The following PDE8B variants were observed in gnomAD, a reference collection of about 807,000 sequenced individuals.
PDE8B encodes the protein phosphodiesterase 8B.
PDE8B carries 26 observed loss-of-function variants against 101.3 expected under a neutral mutation model. That is an observed-to-expected ratio of 0.26 (90% CI 0.19 to 0.36). PDE8B has a LOEUF of 0.36. Among genes scored for constraint, PDE8B ranks in the 10% least tolerant of loss-of-function variants. The probability of loss-of-function intolerance (pLI) is 1.00; values close to 1 mark genes in which losing one functional copy is unlikely to be tolerated. For missense variants in PDE8B, 810 were observed against 1,163.1 expected, an observed-to-expected ratio of 0.70 and a Z score of 4.42; for synonymous variants, 424 against 429.3, an observed-to-expected ratio of 0.99 and a Z score of 0.15.
chr5:77,279,487 C>T (rs1764534199), intron 1 of PDE8B, among the ~76,000 whole-genome samples: 4 of 152,184 alleles, frequency 2.6e-5, no homozygotes, highest in African/African-American at 4.8e-5. Flanking sequence ...CTGGTTCCTT[C>T]ACCCTTTAGC....
chr5:77,107,845 A>T, the PDE8B span, among the ~76,000 whole-genome samples: 1 of 152,222 alleles, frequency 6.6e-6, no homozygotes, highest in South Asian at 2.1e-4. Flanking sequence ...ACATATTTGT[A>T]TCAATTATCC....
chr5:77,271,143 A>G (rs751005956), intron 1 of PDE8B, among the ~76,000 whole-genome samples: 13 of 152,228 alleles, frequency 8.5e-5, no homozygotes, highest in Non-Finnish European at 1.9e-4. Context: ...AATATCAAGA[A>G]GTAAAGAAGA....
chr5:77,410,950 A>C (rs1257487807), intron 14 of PDE8B: 1 of 152,274 alleles, frequency 6.6e-6, no homozygotes, highest in Non-Finnish European at 1.5e-5. Context: ...AATGACTTTT[A>C]AGCAAAGATC....
chr5:77,211,859 T>C lies in PDE8B; in HGVS notation c.339+595T>C, dbSNP rs1485509470. ...ACCTGTTGTTTGTCACTGTAACGTT[T>C]CTCTGGGTTGGCTGCATCCTAGACA... On this transcript the variant is annotated intron_variant, in intron 1 of 21. Transcript: ENST00000264917. This position sits in a 1 kb window ranked among gnomAD's most constrained non-coding sequence, Gnocchi z 4.1. 1.3e-5 allele frequency among the ~76,000 whole-genome samples: 2 copies of C among 152,110 alleles called. No homozygotes were observed. The highest frequency in any genetic ancestry group is 2.9e-5 in the Non-Finnish European group (2 of 68,018).
chr5:77,404,943 G>A (rs1288036636), intron 12 of PDE8B, 146 bp downstream of exon 12: 1 of 639,058 alleles, frequency 1.6e-6, no homozygotes, highest in Non-Finnish European at 2.8e-6. Flanking sequence ...AAGGTTTTAG[G>A]GGTTTTAATT....
At chr5:77,131,913 C>T in the PDE8B span, among the ~76,000 whole-genome samples, 1 of 152,126 alleles carries the variant, frequency 6.6e-6, no homozygotes, top group African/African-American at 2.4e-5. Context: ...GGTAAATTTG[C>T]TTCTGTATCA....
intron 1 of PDE8B, among the ~76,000 whole-genome samples, chr5:77,273,148 T>C (rs1460172718): frequency 6.6e-6 from 1 of 152,214 alleles, no homozygotes; most frequent in African/African-American, 2.4e-5. Context: ...CTTATTAGTG[T>C]GTCTCTGTGC....
chr5:77,364,066 G>A (rs1432388156), intron 10 of PDE8B, among the ~76,000 whole-genome samples: 4 of 152,164 alleles, frequency 2.6e-5, no homozygotes, highest in Non-Finnish European at 5.9e-5. Context: ...AGAGAGTGAG[G>A]TAGCTAACTG....
chr5:77,180,100 G>A, the PDE8B span, among the ~76,000 whole-genome samples: 1 of 152,096 alleles, frequency 6.6e-6, no homozygotes, highest in Non-Finnish European at 1.5e-5. Flanking sequence ...TCCGAATCCT[G>A]AGTCCCAAGA....
At chr5:77,364,393 C>T (rs1398532723) in intron 10 of PDE8B, among the ~76,000 whole-genome samples, 2 of 152,178 alleles carry the variant, frequency 1.3e-5, no homozygotes, top group African/African-American at 4.8e-5. Flanking sequence ...TCTGGATCTT[C>T]GCTTCTGTGG....
intron 1 of PDE8B, among the ~76,000 whole-genome samples, chr5:77,278,580 C>G (rs1444476505): frequency 6.6e-6 from 1 of 152,152 alleles, no homozygotes; most frequent in Non-Finnish European, 1.5e-5. Context: ...TGCCATTCTC[C>G]TGTCTCAGCC....
At chr5:77,203,071 G>A in the PDE8B span, among the ~76,000 whole-genome samples, 1 of 152,272 alleles carries the variant, frequency 6.6e-6, no homozygotes, top group Non-Finnish European at 1.5e-5. Context: ...GCTTAGTCTG[G>A]CATTTGGCTC....
intron 1 of PDE8B, among the ~76,000 whole-genome samples, chr5:77,306,162 C>T (rs1046380604): frequency 2.6e-5 from 4 of 152,134 alleles, no homozygotes; most frequent in Non-Finnish European, 5.9e-5. Flanking sequence ...TTTGCAGAGT[C>T]TGAATGGAGT....
At chr5:77,203,717 C>T in the PDE8B span, among the ~76,000 whole-genome samples, 62,519 of 151,990 alleles carry the variant, frequency 0.41, 14,911 homozygotes, top group East Asian at 0.85. Flanking sequence ...CCTAATATCC[C>T]AAACTCCATA....
intron 11 of PDE8B, among the ~76,000 whole-genome samples, chr5:77,404,299 T>A (rs990540946): frequency 6.6e-6 from 1 of 151,886 alleles, no homozygotes; most frequent in Non-Finnish European, 1.5e-5. Flanking sequence ...TTTTATGTAT[T>A]TTTTTAGTAG....
chr5:77,176,108 G>T, the PDE8B span, among the ~76,000 whole-genome samples: 2 of 152,122 alleles, frequency 1.3e-5, no homozygotes, highest in Admixed American at 6.5e-5. Context: ...ATCTTTGCTT[G>T]TTGAGTTATA....
rs1794593861 is a variant in PDE8B, at chr5:77,411,689, G to C, written c.1544G>C (p.Arg515Thr). The change falls in exon 15 of 22, where the codon AGA (arginine) becomes ACA (threonine). Residue 515 changes from arginine (R) to threonine (T), a missense_variant. Physicochemically the swap from Arg to Thr is moderately conservative, Grantham distance 71. Transcript: ENST00000264917. ...CCTTTATTCCAGGACGGCTTGAGAA[G>C]ACTGTCAGGAAACGAGTATGTGTTT... is the stretch of plus-strand genomic sequence containing the variant. ...VGGLMTDGLR[R>T]LSGNEYVFTK... The C allele has an allele frequency of 6.2e-7, 1 of 1,611,754 alleles. No individual in the cohort carries two copies. Among genetic ancestry groups the C allele is most frequent in the Admixed American group, 1.7e-5 (1 of 59,992 alleles).
upstream of PDE8B, among the ~76,000 whole-genome samples, chr5:77,206,084 CAA>C (rs138981744): frequency 0.17 from 25,920 of 151,912 alleles, 4,842 homozygotes; most frequent in African/African-American, 0.47. Flanking sequence ...TAAAAACAAA[CAA>C]ATAAAATAAC....
chr5:77,421,588 A>C (rs1481055562), intron 19 of PDE8B, among the ~76,000 whole-genome samples: 1 of 136,706 alleles, frequency 7.3e-6, no homozygotes, highest in Non-Finnish European at 1.7e-5. Flanking sequence ...TCAACTTTCA[A>C]ACTCTGTGTG....
Sources: gnomAD v4.1 joint callset for allele counts (sites outside exome capture counted in the v4.1 genomes callset) on GRCh38, gnomAD v4.1.1 for gene constraint, Gnocchi (gnomAD v3.1) non-coding constraint, MANE v1.5 for transcripts, NCBI Gene and HGNC (gene_info 2026-07-23, HGNC 2026-07-21) for gene names.